The following REV1 variants were observed in gnomAD, a reference collection of about 807,000 sequenced individuals.
REV1 encodes the protein REV1 DNA directed polymerase.
REV1 carries 42 observed loss-of-function variants against 137.4 expected under a neutral mutation model. The ratio of observed to expected loss-of-function variants is 0.31; its 90% CI spans 0.24 to 0.40. The LOEUF is 0.40. Ranked by LOEUF, REV1 falls within the 10% of genes least tolerant of loss-of-function variation. REV1 has a pLI of 1.00. For missense variants in REV1, 1,282 were observed against 1,490.1 expected (o/e 0.86, Z 2.30); for synonymous variants, 524 against 519.2 (o/e 1.01, Z -0.12).
Position 99,403,865 on chromosome 2 carries a change from T to C in REV1, c.3046-50A>G, listed in dbSNP as rs748931521. Reference sequence around the variant, plus strand: ...TCAAACCTGAGCTAATTGTAGATGGTAGCTGGTTTCTCTTTTTCACAAAAC... The same window carrying C: ...TCAAACCTGAGCTAATTGTAGATGGCAGCTGGTTTCTCTTTTTCACAAAAC... On this transcript the variant is annotated intron_variant, in intron 18 of 22. Coordinates refer to ENST00000258428, the MANE Select transcript of REV1 (RefSeq NM_016316.4). 3.8e-6 allele frequency: 6 copies of C among 1,598,452 alleles called. No individual in the cohort carries two copies. The South Asian group carries it at 6.7e-5, about 18-fold the overall frequency.
chr2:99,489,605 C>T (rs1253534932), intron 1 of REV1, among the ~76,000 whole-genome samples: 1 of 148,940 alleles, frequency 6.7e-6, no homozygotes, highest in Non-Finnish European at 1.5e-5. Flanking sequence ...TTACATAACC[C>T]GGCGGCTGCG....
intron 4 of REV1, among the ~76,000 whole-genome samples, chr2:99,443,882 G>A (rs950041226): frequency 1.3e-5 from 2 of 150,036 alleles, no homozygotes; most frequent in Non-Finnish European, 3.0e-5. Context: ...TCGCTCTGTC[G>A]CCCAGGCTGG....
intron 1 of REV1, among the ~76,000 whole-genome samples, chr2:99,479,183 C>T (rs1019300675): frequency 2.0e-5 from 3 of 151,868 alleles, no homozygotes; most frequent in African/African-American, 7.3e-5. Flanking sequence ...AAAAAATTAG[C>T]CAGGTGTGGT....
rs542318703 is a variant in REV1 at position 99,480,599 on chromosome 2, G to T, written c.-11+9218C>A. 6.8e-4 allele frequency among the ~76,000 whole-genome samples: 103 copies of T among 152,256 alleles called. 1 individual carries two copies. Among genetic ancestry groups the T allele is most frequent in the South Asian group, 4.1e-3 (20 of 4,828 alleles). The stretch of plus-strand genomic sequence containing the variant: ...TGCATTCCACCCACACAAGTCATTA[G>T]ATCTCTGAACTCACAAGGTAACTGG... On this transcript the variant is annotated intron_variant, in intron 1 of 22. Coordinates refer to ENST00000258428, the MANE Select transcript of REV1 (RefSeq NM_016316.4).
At chr2:99,465,113 TAAGTA>T (rs1684653503) in intron 1 of REV1, 128 bp from the exon 2 acceptor site, 10 of 728,370 alleles carry the variant, frequency 1.4e-5, no homozygotes, top group Non-Finnish European at 1.5e-5. Context: ...TATACAATAT[TAAGTA>T]AACTTTTTCT....
intron 1 of REV1, among the ~76,000 whole-genome samples, chr2:99,467,595 A>G (rs1016511122): frequency 6.6e-6 from 1 of 152,212 alleles, no homozygotes; most frequent in African/African-American, 2.4e-5. Flanking sequence ...GTTTCTGACA[A>G]ACAGTGCTAG....
intron 1 of REV1, among the ~76,000 whole-genome samples, chr2:99,465,532 A>G (rs1352927123): frequency 6.6e-5 from 10 of 152,234 alleles, no homozygotes; most frequent in Non-Finnish European, 1.5e-4. Context: ...TAAATCTGTC[A>G]TTCTCCTTAA....
intron 1 of REV1, among the ~76,000 whole-genome samples, 162 bp downstream of exon 1, chr2:99,489,655 C>G (rs1407066417): frequency 6.7e-6 from 1 of 149,294 alleles, no homozygotes. Flanking sequence ...CAGGCCGCGA[C>G]AGGACGGCCG....
At chr2:99,469,272 C>G (rs550579651) in intron 1 of REV1, among the ~76,000 whole-genome samples, 3 of 152,086 alleles carry the variant, frequency 2.0e-5, no homozygotes, top group Admixed American at 6.6e-5. Context: ...AGAAAAAGCA[C>G]GACAACTTGA....
intron 5 of REV1, among the ~76,000 whole-genome samples, chr2:99,441,891 G>A (rs1371394326): frequency 6.6e-6 from 1 of 152,070 alleles, no homozygotes; most frequent in East Asian, 1.9e-4. Flanking sequence ...TTTATTATAA[G>A]TGAATGGCCA....
In REV1 at chr2:99,455,558, G is replaced by T. The variant is rs148692592; in HGVS notation, c.182-6054C>A. On this transcript the variant is annotated intron_variant, in intron 3 of 22. Coordinates refer to ENST00000258428, the MANE Select transcript of REV1 (RefSeq NM_016316.4). Reference sequence around the variant, plus strand: ...CACATCAGGTACTAGCAAAATTACAGGAGGTGGCATAAATTAATATGGTAA... The same window carrying T: ...CACATCAGGTACTAGCAAAATTACATGAGGTGGCATAAATTAATATGGTAA... Among the ~76,000 whole-genome samples, 63 of 152,296 alleles carry T rather than the reference G, an allele frequency of 4.1e-4. No individual in the cohort carries two copies. The East Asian group carries it at 9.3e-3, about 22-fold the overall frequency.
At chr2:99,423,087 T>G (rs890296738) in intron 10 of REV1, among the ~76,000 whole-genome samples, 7 of 152,228 alleles carry the variant, frequency 4.6e-5, no homozygotes, top group Non-Finnish European at 1.0e-4. Flanking sequence ...AATAAGTGTC[T>G]TATCATTCAG....
At chr2:99,436,699 C>G (rs556509739) in intron 6 of REV1, 1 of 152,374 alleles carries the variant, frequency 6.6e-6, no homozygotes, top group African/African-American at 2.4e-5. Context: ...TCATCAGGGT[C>G]ATTTTAACCC....
intron 1 of REV1, among the ~76,000 whole-genome samples, chr2:99,469,619 T>C (rs774547394): frequency 1.3e-5 from 2 of 152,190 alleles, no homozygotes; most frequent in African/African-American, 2.4e-5. Flanking sequence ...CCTCTTTCCA[T>C]TCTCTCAATA....
rs566491351 is a variant in REV1, at chr2:99,424,692, CCAAAGA to C, written c.1548-418_1548-413del. On this transcript the variant is annotated intron_variant, in intron 9 of 22. Coordinates refer to ENST00000258428, the MANE Select transcript of REV1 (RefSeq NM_016316.4). ...GCACAGTTTGGCCAGGGTTCATCCC[CCAAAGA>C]CAAAGAATATAAACAAAAGAACTAC... is the stretch of plus-strand genomic sequence containing the variant. 2.3e-4 allele frequency: 279 copies of C among 1,208,694 alleles called. 1 individual carries two copies. In the African/African-American group the frequency reaches 3.5e-3, roughly 15 times the overall value. The allele number at this position is 1,208,694 out of a possible 1,614,324, so 74.9% of individuals were successfully genotyped here.
chr2:99,439,512 T>A (rs1181660816), intron 5 of REV1, among the ~76,000 whole-genome samples: 1 of 151,874 alleles, frequency 6.6e-6, no homozygotes, highest in African/African-American at 2.4e-5. Context: ...TGACAAAAGA[T>A]CATTCTTTGC....
At chr2:99,484,974 C>T (rs1400812574) in intron 1 of REV1, among the ~76,000 whole-genome samples, 2 of 152,122 alleles carry the variant, frequency 1.3e-5, no homozygotes, top group Non-Finnish European at 1.5e-5. Context: ...GACACTGCAC[C>T]TAGGAAAGAG....
chr2:99,429,203 A>G (rs1175519900), intron 9 of REV1, among the ~76,000 whole-genome samples: 3 of 152,160 alleles, frequency 2.0e-5, no homozygotes, highest in African/African-American at 7.2e-5. Context: ...AATTATTTCA[A>G]AACGGTTTTT....
At position 99,404,489 on chromosome 2, in the gene REV1, G is replaced by C. The variant is rs1559278531; in HGVS notation, c.3000C>G (p.Asn1000Lys). The change falls in exon 18 of 23, where the codon AAC becomes AAG. Residue 1000 changes from asparagine (N) to lysine (K), a missense_variant. This residue lies in a region of REV1 where 135 missense variants were observed against 123.3 expected (regional missense o/e 1.10). Transcript: ENST00000258428. ...CTATTAAATTTATTCCTGCGTCACT[G>C]TTCGATTCTTGAGGTTCTGGTATTT... The part of the protein sequence containing the change: ...LLQIPEPQES[N>K]SDAGINLIAL... 1 of 1,614,144 alleles carries C rather than the reference G, an allele frequency of 6.2e-7. No homozygotes were observed. The highest frequency in any genetic ancestry group is 8.5e-7 in the Non-Finnish European group (1 of 1,180,016).
Sources: gnomAD v4.1 joint callset for allele counts (sites outside exome capture counted in the v4.1 genomes callset) on GRCh38, gnomAD v4.1.1 for gene constraint, gnomAD v4.1.1 regional missense constraint, MANE v1.5 for transcripts, NCBI Gene and HGNC (gene_info 2026-07-23, HGNC 2026-07-21) for gene names.